Variants in METTL16 observed in about 807,000 individuals in gnomAD.
METTL16 encodes the protein methyltransferase 16, RNA N6-adenosine, also known as RNA N(6)-adenosine-methyltransferase METTL16.
METTL16 carries 19 observed loss-of-function variants against 57.9 expected under a neutral mutation model. That is an observed-to-expected ratio of 0.33 (90% confidence interval 0.23 to 0.48). METTL16 has a LOEUF of 0.48. Among genes scored for constraint, METTL16 ranks in the 20% least tolerant of loss-of-function variants. The pLI is 0.99. For synonymous variants in METTL16, 246 were observed against 255.6 expected, an observed-to-expected ratio of 0.96 and a Z score of 0.36; for missense variants, 434 against 691.5, an observed-to-expected ratio of 0.63 and a Z score of 4.18.
intron 4 of METTL16, among the ~76,000 whole-genome samples, chr17:2,469,531 T>C (rs1315070662): frequency 6.6e-6 from 1 of 152,150 alleles, no homozygotes; most frequent in Non-Finnish European, 1.5e-5. Flanking sequence ...CTGAAATTAT[T>C]ATTTGTTTTT....
chr17:2,459,835 C>G (rs1281894568), intron 6 of METTL16: 3 of 152,144 alleles, frequency 2.0e-5, no homozygotes, highest in African/African-American at 7.2e-5. Context: ...AATCCTGTCT[C>G]TACTAAAAAT....
rs1327339813 is a variant in METTL16, at chr17:2,465,230, A to T, written c.586-880T>A. On this transcript the variant is annotated intron_variant, in intron 5 of 9. Coordinates refer to ENST00000263092, the MANE Select transcript of METTL16 (RefSeq NM_024086.4). ...CACAGTGAGATACCACTTTTTACCC[A>T]CTAGGATGGCTATAATCAAAAAGAC... Among the ~76,000 whole-genome samples the T allele has an allele frequency of 2.0e-5, 3 of 152,148 alleles. No individual in the cohort carries two copies. In the East Asian group the frequency reaches 5.8e-4, roughly 29 times the overall value.
At chr17:2,430,067 G>A (rs538681551) in intron 8 of METTL16, among the ~76,000 whole-genome samples, 1 of 151,794 alleles carries the variant, frequency 6.6e-6, no homozygotes, top group African/African-American at 2.4e-5. Context: ...ACCTGCCTCG[G>A]CCTCCCAAAG....
chr17:2,419,783 G>A lies in METTL16; in HGVS notation c.*187C>T, dbSNP rs1284414267. ...TCCTCCTTGTAAATGACCACACTAC[G>A]ACTCCCTGTAACTCAAAAAGCGGGA... On this transcript the variant is annotated 3_prime_UTR_variant, in exon 10 of 10. Coordinates refer to ENST00000263092, the MANE Select transcript of METTL16 (RefSeq NM_024086.4). 2.7e-5 allele frequency: 20 copies of A among 743,302 alleles called. No homozygotes were observed. The highest frequency in any genetic ancestry group is 2.4e-4 in the South Asian group (16 of 67,240). The allele number at this position is 743,302 out of a possible 1,614,324, so 46.0% of individuals were successfully genotyped here. A position where few individuals can be genotyped will look rare whatever the true frequency, so the allele number is the denominator to read the frequency against.
chr17:2,490,172 G>A (rs1185861790), intron 2 of METTL16, among the ~76,000 whole-genome samples: 1 of 151,958 alleles, frequency 6.6e-6, no homozygotes, highest in Non-Finnish European at 1.5e-5. Context: ...GGGTAGATGC[G>A]TCGGGTGGAG....
At chr17:2,478,333 AC>A (rs1382449939) in intron 2 of METTL16, among the ~76,000 whole-genome samples, 1 of 152,192 alleles carries the variant, frequency 6.6e-6, no homozygotes, top group East Asian at 1.9e-4. Context: ...TTTTACTCTT[AC>A]CATTAACATC....
intron 2 of METTL16, among the ~76,000 whole-genome samples, chr17:2,489,749 A>AAAAAAAAAAAAAAAAAAC (rs1555620741): frequency 6.8e-6 from 1 of 148,010 alleles, no homozygotes; most frequent in African/African-American, 2.5e-5. Flanking sequence ...AAAAAAAAAA[A>AAAAAAAAAAAAAAAAAAC]CGAATACTGC....
chr17:2,489,533 T>C (rs1389466465), intron 2 of METTL16, among the ~76,000 whole-genome samples: 1 of 151,644 alleles, frequency 6.6e-6, no homozygotes, highest in Non-Finnish European at 1.5e-5. Flanking sequence ...CAGGCAACTG[T>C]AATCGCCATT....
intron 8 of METTL16, among the ~76,000 whole-genome samples, chr17:2,434,250 G>A (rs573852603): frequency 6.6e-5 from 10 of 152,200 alleles, no homozygotes; most frequent in African/African-American, 1.7e-4. Context: ...CCAGGCTGGT[G>A]GGCAACGGCG....
intron 4 of METTL16, among the ~76,000 whole-genome samples, chr17:2,470,319 A>C (rs1417588213): frequency 4.0e-5 from 6 of 151,128 alleles, no homozygotes; most frequent in Non-Finnish European, 8.8e-5. Context: ...GAAAAAAAAA[A>C]CCCCAAAACG....
chr17:2,494,434 AGT>A lies in METTL16; in HGVS notation c.128+7768_128+7769del, dbSNP rs376465896. Among the ~76,000 whole-genome samples the A allele has an allele frequency of 7.8e-3, 1,195 of 152,296 alleles. 11 individuals carry two copies. Among genetic ancestry groups the A allele is most frequent in the Middle Eastern group, 0.034 (10 of 294 alleles). ...GTTTGTGGCAATCTTACATCTAGCA[AGT>A]GTATTGGTGCCATTTTTCTAATAGC... On this transcript the variant is annotated intron_variant, in intron 2 of 9. Coordinates refer to ENST00000263092, the MANE Select transcript of METTL16 (RefSeq NM_024086.4).
intron 2 of METTL16, among the ~76,000 whole-genome samples, chr17:2,480,544 A>C (rs1261074030): frequency 5.3e-5 from 8 of 152,086 alleles, no homozygotes; most frequent in Non-Finnish European, 1.2e-4. Context: ...TCCAAATAGC[A>C]CTCCCCAAAG....
At chr17:2,490,414 T>C (rs2067378905) in intron 2 of METTL16, among the ~76,000 whole-genome samples, 2 of 152,270 alleles carry the variant, frequency 1.3e-5, no homozygotes, top group Non-Finnish European at 2.9e-5. Flanking sequence ...CGACGAATGA[T>C]TGTATGTAAC....
intron 6 of METTL16, among the ~76,000 whole-genome samples, chr17:2,462,936 G>C (rs1324983531): frequency 6.6e-6 from 1 of 152,164 alleles, no homozygotes; most frequent in Non-Finnish European, 1.5e-5. Context: ...AGCTCTTTTA[G>C]TTTTTGAACT....
intron 2 of METTL16, among the ~76,000 whole-genome samples, chr17:2,479,794 TGG>T (rs2067291894): frequency 6.6e-6 from 1 of 152,108 alleles, no homozygotes; most frequent in Non-Finnish European, 1.5e-5. Context: ...TGTTCTAGTA[TGG>T]AAGTTAGGAG....
intron 6 of METTL16, among the ~76,000 whole-genome samples, chr17:2,456,501 G>T (rs933918939): frequency 2.0e-5 from 3 of 152,152 alleles, no homozygotes; most frequent in Non-Finnish European, 2.9e-5. Context: ...CTGAGACAGG[G>T]TCTCGTTCTG....
rs1338157055 is a variant in METTL16 at position 2,438,218 on chromosome 17, C to A, written c.799-20G>T. 6.4e-7 allele frequency: 1 copy of A among 1,574,332 alleles called. No individual in the cohort carries two copies. The highest frequency in any genetic ancestry group is 8.7e-7 in the Non-Finnish European group (1 of 1,144,144). On this transcript the variant is annotated intron_variant, in intron 7 of 9. Coordinates refer to ENST00000263092, the MANE Select transcript of METTL16 (RefSeq NM_024086.4). ...GGGAACCTGAAACCAACAAAGACAGCATCTCATCAAACTGCAATCATTCTA... is the reference window on the plus strand; with the variant it reads ...GGGAACCTGAAACCAACAAAGACAGAATCTCATCAAACTGCAATCATTCTA...
chr17:2,501,127 A>G (rs2067483861), intron 2 of METTL16, among the ~76,000 whole-genome samples: 1 of 152,112 alleles, frequency 6.6e-6, no homozygotes, highest in African/African-American at 2.4e-5. Context: ...AAATAAAATA[A>G]AGTAAAAATA....
intron 6 of METTL16, among the ~76,000 whole-genome samples, chr17:2,459,665 G>A (rs992206923): frequency 6.6e-6 from 1 of 152,178 alleles, no homozygotes; most frequent in African/African-American, 2.4e-5. Context: ...ATTCTGAAAT[G>A]TGAGTCACAC....
Sources: allele counts gnomAD v4.1 joint callset (sites outside exome capture counted in the v4.1 genomes callset), GRCh38; gene constraint gnomAD v4.1.1; transcripts MANE v1.5; gene names NCBI Gene and HGNC (gene_info 2026-07-23, HGNC 2026-07-21).